ZNF423: variants seen among roughly 807,000 people sequenced by gnomAD.
ZNF423 encodes zinc finger protein 423.
ZNF423 carries 12 observed loss-of-function variants against 95.8 expected under a neutral mutation model. The observed-to-expected ratio is 0.13, with a 90% CI of 0.08 to 0.20. The LOEUF (loss-of-function observed/expected upper bound fraction) is 0.20. Ranked by LOEUF, ZNF423 falls within the 10% of genes least tolerant of loss-of-function variation. The pLI is 1.00. For missense variants in ZNF423, 1,316 were observed against 1,737.1 expected (o/e 0.76, Z 4.31); for synonymous variants, 749 against 711.9 (o/e 1.05, Z -0.83).
chr16:49,533,995 A>G (rs1968958608), intron 5 of ZNF423, among the ~76,000 whole-genome samples: 1 of 152,046 alleles, frequency 6.6e-6, no homozygotes, highest in Non-Finnish European at 1.5e-5. Flanking sequence ...CCATCTCTAC[A>G]AAAAAGGAAA....
At chr16:49,783,831 G>A (rs549998956) in intron 2 of ZNF423, among the ~76,000 whole-genome samples, 11 of 152,014 alleles carry the variant, frequency 7.2e-5, no homozygotes, top group African/African-American at 2.2e-4. Context: ...TTAGCTGGGC[G>A]TGATGGCACG....
At chr16:49,516,145 C>T (rs554227222) in intron 7 of ZNF423, among the ~76,000 whole-genome samples, 6 of 152,312 alleles carry the variant, frequency 3.9e-5, no homozygotes, top group African/African-American at 1.4e-4. Flanking sequence ...GAAGCCCCGG[C>T]CCTCTGGCCT....
At chr16:49,769,559 G>C (rs568064246) in intron 2 of ZNF423, among the ~76,000 whole-genome samples, 1 of 151,756 alleles carries the variant, frequency 6.6e-6, no homozygotes, top group Non-Finnish European at 1.5e-5. Flanking sequence ...ACCTGATCAC[G>C]CCACTGCCCT....
At chr16:49,815,895 T>TACAC (rs1173684750) in intron 1 of ZNF423, among the ~76,000 whole-genome samples, 1 of 46,782 alleles carries the variant, frequency 2.1e-5, no homozygotes, top group African/African-American at 9.9e-5. Context: ...TATATATATA[T>TACAC]ATATATATAT....
At chr16:49,616,555 T>C (rs1441428396) in intron 5 of ZNF423, among the ~76,000 whole-genome samples, 2 of 152,192 alleles carry the variant, frequency 1.3e-5, no homozygotes, top group East Asian at 1.9e-4. Flanking sequence ...GTGATTATTA[T>C]ATATTGCATG....
At chr16:49,511,860 G>C (rs1967911822) in intron 7 of ZNF423, among the ~76,000 whole-genome samples, 2 of 152,190 alleles carry the variant, frequency 1.3e-5, no homozygotes, top group African/African-American at 4.8e-5. Context: ...TAGAGACACA[G>C]ACCAACTGTG....
chr16:49,581,070 C>T (rs1241226081), intron 5 of ZNF423, among the ~76,000 whole-genome samples: 5 of 152,082 alleles, frequency 3.3e-5, no homozygotes, highest in Non-Finnish European at 7.4e-5. Context: ...CCTTAAGAAC[C>T]GTGGACAAAA....
intron 7 of ZNF423, among the ~76,000 whole-genome samples, chr16:49,504,888 C>A (rs1337022832): frequency 1.3e-5 from 2 of 152,180 alleles, no homozygotes; most frequent in Non-Finnish European, 2.9e-5. Context: ...ACTGGGAGCT[C>A]TTTCCCCTAT....
chr16:49,589,910 G>A (rs548823344), intron 5 of ZNF423, among the ~76,000 whole-genome samples: 19 of 151,988 alleles, frequency 1.3e-4, no homozygotes, highest in South Asian at 8.4e-4. Flanking sequence ...CGCCATTAGC[G>A]GCCTGGCGCA....
chr16:49,845,492 G>T (rs72780392), intron 1 of ZNF423, among the ~76,000 whole-genome samples: 1 of 151,494 alleles, frequency 6.6e-6, no homozygotes, highest in African/African-American at 2.4e-5. Flanking sequence ...CTTATGCACC[G>T]GGACAACAGT....
intron 3 of ZNF423, among the ~76,000 whole-genome samples, chr16:49,688,095 A>G (rs1259323937): frequency 0.061 from 29 of 478 alleles, no homozygotes; most frequent in Non-Finnish European, 0.099. Context: ...GTTGAGAGGG[A>G]AAAAAAAAAA....
chr16:49,782,051 G>T (rs1399019405), intron 2 of ZNF423, among the ~76,000 whole-genome samples: 2 of 152,218 alleles, frequency 1.3e-5, no homozygotes, highest in Non-Finnish European at 1.5e-5. Context: ...TCCAGGCCTG[G>T]CTTTGAACAT....
chr16:49,712,802 G>A (rs1400680262), intron 3 of ZNF423, among the ~76,000 whole-genome samples: 1 of 152,226 alleles, frequency 6.6e-6, no homozygotes, highest in Non-Finnish European at 1.5e-5. Flanking sequence ...AATACATAAT[G>A]AACAAAGAGG....
intron 5 of ZNF423, among the ~76,000 whole-genome samples, chr16:49,574,342 C>T (rs1347078505): frequency 6.6e-6 from 1 of 152,202 alleles, no homozygotes; most frequent in East Asian, 1.9e-4. Context: ...TATGATAGCA[C>T]CACAGCACTC....
At chr16:49,678,569 G>A (rs780293166) in intron 3 of ZNF423, among the ~76,000 whole-genome samples, 3 of 152,222 alleles carry the variant, frequency 2.0e-5, no homozygotes, top group African/African-American at 4.8e-5. Context: ...GCAGGGCAAA[G>A]TATTGATTGC....
At chr16:49,541,947 G>C (rs1969262997) in intron 5 of ZNF423, among the ~76,000 whole-genome samples, 1 of 152,200 alleles carries the variant, frequency 6.6e-6, no homozygotes. Context: ...TCCAGTGTCA[G>C]GCAGTTCTCT....
chr16:49,811,409 C>A (rs2034750717), intron 1 of ZNF423, among the ~76,000 whole-genome samples: 1 of 152,102 alleles, frequency 6.6e-6, no homozygotes, highest in African/African-American at 2.4e-5. Context: ...GTGGAGGAGA[C>A]AATGGCACCA....
Position 49,638,466 on chromosome 16 carries a change from C to G in ZNF423, c.710G>C (p.Arg237Pro). 1.2e-6 allele frequency: 2 copies of G among 1,613,866 alleles called. No individual in the cohort carries two copies. The highest frequency in any genetic ancestry group is 1.7e-6 in the Non-Finnish European group (2 of 1,180,034). Residue 237 changes from arginine to proline, a missense_variant, in exon 4 of 8, where the codon CGC (arginine) becomes CCC (proline). Coordinates refer to ENST00000563137, the MANE Select transcript of ZNF423 (RefSeq NM_001379286.1). This position sits in a 1 kb window ranked among gnomAD's most constrained non-coding sequence, Gnocchi z 5.6. Reference protein sequence around the residue: ...SKPFKCTVCKRGFSSTSSLQS... With the variant: ...SKPFKCTVCKPGFSSTSSLQS... ...CAGCGAGCTGGTGGAGGAGAAGCCG[C>G]GCTTGCACACAGTGCACTTGAAGGG...
chr16:49,762,515 G>T (rs1310059098), intron 2 of ZNF423, among the ~76,000 whole-genome samples: 1 of 152,190 alleles, frequency 6.6e-6, no homozygotes, highest in African/African-American at 2.4e-5. Flanking sequence ...TAGACAAGAG[G>T]ACTAATGTTC....
Sources: allele counts gnomAD v4.1 joint callset (sites outside exome capture counted in the v4.1 genomes callset), GRCh38; gene constraint gnomAD v4.1.1; non-coding constraint Gnocchi (gnomAD v3.1); transcripts MANE v1.5; gene names NCBI Gene and HGNC (gene_info 2026-07-23, HGNC 2026-07-21).